EDEM1: variants seen among roughly 807,000 people sequenced by gnomAD.
EDEM1 encodes ER degradation enhancing alpha-mannosidase like protein 1.
EDEM1 carries 67 observed loss-of-function variants against 74.4 expected under a neutral mutation model. That is an observed-to-expected ratio of 0.90 (90% CI 0.74 to 1.10). The LOEUF is 1.10. EDEM1 is among the 50% of genes least tolerant of loss of function. The pLI is 0.00. For missense variants in EDEM1, 926 were observed against 851.6 expected (o/e 1.09, Z -1.09); for synonymous variants, 382 against 335.9 (o/e 1.14, Z -1.50).
intron 1 of EDEM1, among the ~76,000 whole-genome samples, chr3:5,188,616 A>G (rs1028146250): frequency 1.3e-5 from 2 of 152,246 alleles, no homozygotes; most frequent in African/African-American, 4.8e-5. Context: ...GGACAGTGGC[A>G]GTGCCAAGGG....
intron 9 of EDEM1, among the ~76,000 whole-genome samples, chr3:5,210,581 CTG>C (rs1350448764): frequency 3.9e-5 from 6 of 152,096 alleles, no homozygotes; most frequent in Non-Finnish European, 1.5e-5. Flanking sequence ...ACAGAGAAAA[CTG>C]TAGTCAGTAT....
At chr3:5,209,074 A>T (rs1340596459) in intron 8 of EDEM1, among the ~76,000 whole-genome samples, 2 of 152,124 alleles carry the variant, frequency 1.3e-5, no homozygotes, top group Admixed American at 1.3e-4. Context: ...AAACTCTGGT[A>T]GTGGGGAGTT....
intron 8 of EDEM1, 39 bp from the exon 9 acceptor site, chr3:5,210,136 A>C: frequency 6.3e-7 from 1 of 1,576,100 alleles, no homozygotes; most frequent in Non-Finnish European, 8.7e-7. Context: ...CATGTCTTCC[A>C]AGCCCATGCT....
chr3:5,201,365 G>C (rs941751488), intron 3 of EDEM1, among the ~76,000 whole-genome samples: 2 of 151,976 alleles, frequency 1.3e-5, no homozygotes, highest in Non-Finnish European at 2.9e-5. Flanking sequence ...TTGTTGCCCA[G>C]GCTAGTCTTG....
At chr3:5,209,802 C>T (rs965473120) in intron 8 of EDEM1, among the ~76,000 whole-genome samples, 2 of 152,138 alleles carry the variant, frequency 1.3e-5, no homozygotes, top group African/African-American at 4.8e-5. Context: ...TTTCCTGTGC[C>T]TGTGTCTTAA....
At chr3:5,211,743 A>C (rs1411068144) in intron 10 of EDEM1, among the ~76,000 whole-genome samples, 1 of 152,120 alleles carries the variant, frequency 6.6e-6, no homozygotes, top group Non-Finnish European at 1.5e-5. Flanking sequence ...CCTAATGTTC[A>C]TATGTTCATC....
At chr3:5,192,773 C>T (rs906648922) in intron 1 of EDEM1, among the ~76,000 whole-genome samples, 10 of 152,024 alleles carry the variant, frequency 6.6e-5, no homozygotes, top group African/African-American at 2.4e-4. Flanking sequence ...TCCCACTTCC[C>T]CCTTATTTTG....
At position 5,201,609 on chromosome 3, in the gene EDEM1, C is replaced by T. The variant is rs934695360; in HGVS notation, c.687-144C>T. On this transcript the variant is annotated intron_variant, in intron 3 of 11. Transcript: ENST00000256497. ...GTATTCTTAGAGCTAGAAAGGAATT[C>T]AAGAGTCCATTAAGTCAGGTCTCTC... 8 of 830,614 alleles carry T rather than the reference C, an allele frequency of 9.6e-6. No homozygotes were observed. The African/African-American group carries it at 1.2e-4, about 13-fold the overall frequency. 51.5% of individuals were successfully genotyped at this position (830,614 alleles called of 1,614,324 possible). A position where few individuals can be genotyped will look rare whatever the true frequency, so the allele number is the denominator to read the frequency against.
In EDEM1 at chr3:5,199,642, C is replaced by T. The variant is rs771487640; in HGVS notation, c.633C>T (p.Asn211=). 15 of 1,613,866 alleles carry T rather than the reference C, an allele frequency of 9.3e-6. No homozygotes were observed. Among genetic ancestry groups the T allele is most frequent in the South Asian group, 3.3e-5 (3 of 91,032 alleles). ...EFQKAVKLVI[N]TVSFDKDSTV... is the part of the protein sequence containing the mutation. Reference sequence around the variant, plus strand: ...AGAAAGCCGTCAAGTTAGTGATCAACACAGTTTCATTTGACAAAGATTCCA... The same window carrying T: ...AGAAAGCCGTCAAGTTAGTGATCAATACAGTTTCATTTGACAAAGATTCCA... The change falls in exon 3 of 12, where the codon AAC becomes AAT. Residue 211 remains asparagine (N), a synonymous_variant. Transcript: ENST00000256497.
At chr3:5,195,507 C>T (rs558962772) in intron 2 of EDEM1, among the ~76,000 whole-genome samples, 13 of 152,066 alleles carry the variant, frequency 8.5e-5, no homozygotes, top group Admixed American at 6.5e-5. Context: ...AAGGAATGTA[C>T]GATTGATTTT....
intron 6 of EDEM1, among the ~76,000 whole-genome samples, chr3:5,206,194 T>C (rs2055094657): frequency 6.6e-6 from 1 of 151,738 alleles, no homozygotes; most frequent in South Asian, 2.1e-4. Flanking sequence ...AGTGTCACTC[T>C]CTTTCCCAGA....
chr3:5,210,364 C>G (rs2055153204), intron 9 of EDEM1, 116 bp downstream of exon 9: 4 of 965,098 alleles, frequency 4.1e-6, no homozygotes, highest in South Asian at 3.0e-5. Flanking sequence ...ATTAATGTTA[C>G]ATTTACAGGG....
Position 5,203,112 on chromosome 3 carries a change from C to G in EDEM1, c.1005C>G (p.Ala335=). The change falls in exon 5 of 12, where the codon GCC becomes GCG. Residue 335 remains alanine (A), a synonymous_variant. Coordinates refer to ENST00000256497, the MANE Select transcript of EDEM1 (RefSeq NM_014674.3). ...FEWVARRAVK[A]LWNLRSNDTG... is the part of the protein sequence containing the mutation. Reference sequence around the variant, plus strand: ...GGGTGGCCAGACGAGCAGTGAAAGCCCTTTGGAACCTCCGGAGCAATGATA... The same window carrying G: ...GGGTGGCCAGACGAGCAGTGAAAGCGCTTTGGAACCTCCGGAGCAATGATA... The G allele has an allele frequency of 6.2e-7, 1 of 1,605,210 alleles. No homozygotes were observed. The highest frequency in any genetic ancestry group is 8.5e-7 in the Non-Finnish European group (1 of 1,176,066).
chr3:5,208,525 C>CA (rs1422715489), intron 8 of EDEM1, among the ~76,000 whole-genome samples: 5 of 152,074 alleles, frequency 3.3e-5, no homozygotes, highest in Admixed American at 3.3e-4. Context: ...ACTTATAACT[C>CA]ACATCTTTAA....
At position 5,197,082 on chromosome 3, in the gene EDEM1, T is replaced by TG. The variant is rs1202061739; in HGVS notation, c.582+1801_582+1802insG. Among the ~76,000 whole-genome samples, 33 of 119,992 alleles carry TG rather than the reference T, an allele frequency of 2.8e-4. 1 individual carries two copies. The highest frequency in any genetic ancestry group is 9.1e-4 in the African/African-American group (29 of 31,896). 78.7% of individuals were successfully genotyped at this position (119,992 alleles called of 152,430 possible). ...TAGCTGGCTTTTTTTTTTTTTTTTT[T>TG]CCCCATTTTGTTTTTTTATCCCTCC... On this transcript the variant is annotated intron_variant, in intron 2 of 11. Transcript: ENST00000256497.
chr3:5,209,698 G>A (rs2055144585), intron 8 of EDEM1, among the ~76,000 whole-genome samples: 1 of 152,166 alleles, frequency 6.6e-6, no homozygotes, highest in African/African-American at 2.4e-5. Flanking sequence ...TGATTAGAAA[G>A]GAAAGGGTGG....
chr3:5,211,128 A>T lies in EDEM1; in HGVS notation c.1592A>T (p.Tyr531Phe). 1 of 1,614,144 alleles carries T rather than the reference A, an allele frequency of 6.2e-7. No individual in the cohort carries two copies. Among genetic ancestry groups the T allele is most frequent in the Non-Finnish European group, 8.5e-7 (1 of 1,180,020 alleles). ...LEKYTKVKCGYATLHHVIDKS... is the reference protein window; with the variant it reads ...LEKYTKVKCGFATLHHVIDKS... ...AGATGATTGTTTTGTAGGTGTGGGTACGCCACGCTGCATCACGTCATTGAC... is the reference window on the plus strand; with the variant it reads ...AGATGATTGTTTTGTAGGTGTGGGTTCGCCACGCTGCATCACGTCATTGAC... The change falls in exon 10 of 12, where the codon TAC becomes TTC. Residue 531 changes from tyrosine to phenylalanine, a missense_variant. Physicochemically the swap from Tyr to Phe is conservative, Grantham distance 22. Transcript: ENST00000256497.
Position 5,211,546 on chromosome 3 carries a change from T to C in EDEM1, c.1680+330T>C, listed in dbSNP as rs530141240. 138 of 310,664 alleles carry C rather than the reference T, an allele frequency of 4.4e-4. 1 individual carries two copies. Among genetic ancestry groups the C allele is most frequent in the Middle Eastern group, 1.1e-3 (1 of 874 alleles). The allele number at this position is 310,664 out of a possible 1,614,324, so 19.2% of individuals were successfully genotyped here. On this transcript the variant is annotated intron_variant, in intron 10 of 11. Coordinates refer to ENST00000256497, the MANE Select transcript of EDEM1 (RefSeq NM_014674.3). Reference sequence around the variant, plus strand: ...AAGACGCCTCTGAGGAAGAGAGCTGTGTTCATAATGGCTTCTCACTTCTCT... The same window carrying C: ...AAGACGCCTCTGAGGAAGAGAGCTGCGTTCATAATGGCTTCTCACTTCTCT...
chr3:5,187,959 C>A lies in EDEM1; in HGVS notation c.154C>A (p.Pro52Thr), dbSNP rs1480433378. The A allele has an allele frequency of 6.4e-7, 1 of 1,561,402 alleles. No individual in the cohort carries two copies. The highest frequency in any genetic ancestry group is 8.6e-7 in the Non-Finnish European group (1 of 1,157,484). The stretch of plus-strand genomic sequence containing the variant: ...CCAGCGTCTGAGGAGCCCCGACGGC[C>A]CCGCGTCGCCCACCTCGGGGCCCGT... The part of the protein sequence containing the change: ...GFQRLRSPDG[P>T]ASPTSGPVGR... The change falls in exon 1 of 12, where the codon CCC becomes ACC. Residue 52 changes from proline (P) to threonine (T), a missense_variant. By Grantham distance (38) the Pro-to-Thr change is conservative (BLOSUM62 -1). Transcript: ENST00000256497.
Sources: allele counts gnomAD v4.1 joint callset (sites outside exome capture counted in the v4.1 genomes callset), GRCh38; gene constraint gnomAD v4.1.1; transcripts MANE v1.5; gene names NCBI Gene and HGNC (gene_info 2026-07-23, HGNC 2026-07-21).